Variants in GALNT9 observed in about 807,000 individuals in gnomAD.
GALNT9 encodes the protein polypeptide N-acetylgalactosaminyltransferase 9.
In GALNT9, 47 loss-of-function variants were observed where a neutral mutation model predicts 63.1. The observed-to-expected ratio is 0.75, with a 90% CI of 0.59 to 0.95. The LOEUF (loss-of-function observed/expected upper bound fraction) is 0.95. GALNT9 is among the 40% of genes least tolerant of loss of function. The pLI is 0.00. For missense variants in GALNT9, 829 were observed against 874.8 expected (o/e 0.95, Z 0.66); for synonymous variants, 396 against 365.7 (o/e 1.08, Z -0.94).
At chr12:132,220,480 T>C (rs1262879903) in intron 6 of GALNT9, among the ~76,000 whole-genome samples, 4 of 152,136 alleles carry the variant, frequency 2.6e-5, no homozygotes, top group Non-Finnish European at 4.4e-5. Flanking sequence ...GAACCAGATA[T>C]GAAAAATACC....
At chr12:132,254,405 G>T (rs77084696) in intron 5 of GALNT9, among the ~76,000 whole-genome samples, 1 of 152,214 alleles carries the variant, frequency 6.6e-6, no homozygotes, top group African/African-American at 2.4e-5. Context: ...CAGTTTCAGC[G>T]ATGATCAGCA....
intron 6 of GALNT9, among the ~76,000 whole-genome samples, chr12:132,211,761 T>C (rs11247000): frequency 0.81 from 122,971 of 152,174 alleles, 49,996 homozygotes; most frequent in East Asian, 1. Context: ...AATTAGGAGA[T>C]GGGCACGGAA....
chr12:132,223,035 CCACACA>C (rs1310663682), intron 6 of GALNT9, among the ~76,000 whole-genome samples: 2 of 71,160 alleles, frequency 2.8e-5, no homozygotes, highest in African/African-American at 1.2e-4. Flanking sequence ...AACCCGTACC[CCACACA>C]CACAGACACA....
At chr12:132,300,760 T>C (rs59858169) in intron 1 of GALNT9, among the ~76,000 whole-genome samples, 16,478 of 126,878 alleles carry the variant, frequency 0.13, 1,041 homozygotes, top group Middle Eastern at 0.26. Flanking sequence ...CTGAGATAAC[T>C]CACTCCCATG....
chr12:132,215,372 C>T (rs756530416), intron 6 of GALNT9, among the ~76,000 whole-genome samples: 8 of 152,240 alleles, frequency 5.3e-5, no homozygotes, highest in Non-Finnish European at 1.0e-4. Context: ...ACGCGGCGCC[C>T]GGCACCGCCT....
At chr12:132,260,427 A>G (rs1451985871) in intron 4 of GALNT9, among the ~76,000 whole-genome samples, 5 of 152,190 alleles carry the variant, frequency 3.3e-5, no homozygotes, top group Non-Finnish European at 5.9e-5. Flanking sequence ...CCCATACACA[A>G]GGTGACCCCC....
chr12:132,274,841 C>T (rs1290841883), intron 2 of GALNT9: 1 of 152,860 alleles, frequency 6.5e-6, no homozygotes, highest in African/African-American at 2.4e-5. Context: ...ACCCCACACA[C>T]ACGCACACAT....
chr12:132,256,348 GT>G (rs1209639563), intron 5 of GALNT9, among the ~76,000 whole-genome samples: 1 of 151,766 alleles, frequency 6.6e-6, no homozygotes, highest in African/African-American at 2.4e-5. Context: ...ATCTCACCAC[GT>G]TGTTAGGTGT....
At chr12:132,326,859 G>C (rs1475211047) in intron 1 of GALNT9, among the ~76,000 whole-genome samples, 4 of 152,196 alleles carry the variant, frequency 2.6e-5, no homozygotes, top group Non-Finnish European at 5.9e-5. Context: ...ACATCAGAGC[G>C]GGTAATGCTG....
rs772852295 is a variant in GALNT9 at position 132,199,236 on chromosome 12, C to T, written c.1435G>A (p.Asp479Asn). The change falls in exon 9 of 11, where the codon GAC becomes AAC. Residue 479 changes from aspartate (D) to asparagine (N), a missense_variant. Coordinates refer to ENST00000328957, the MANE Select transcript of GALNT9 (RefSeq NM_001122636.2). ...RNSKASAYCL[D>N]QGAEDGDRAI... ...CGGTCGCCGTCCTCCGCTCCCTGGT[C>T]CAGACAGTAGGCACTGGCTTTGCTG... The T allele has an allele frequency of 6.2e-7, 1 of 1,605,134 alleles. No homozygotes were observed. The highest frequency in any genetic ancestry group is 8.5e-7 in the Non-Finnish European group (1 of 1,179,496).
At chr12:132,326,796 C>G (rs545820656) in intron 1 of GALNT9, among the ~76,000 whole-genome samples, 32 of 152,324 alleles carry the variant, frequency 2.1e-4, no homozygotes, top group Non-Finnish European at 4.6e-4. Flanking sequence ...AAGAGCTGGC[C>G]GCCTCCTCCA....
intron 6 of GALNT9, chr12:132,240,672 T>C (rs2136899163): frequency 4.4e-6 from 2 of 456,020 alleles, no homozygotes; most frequent in Non-Finnish European, 8.8e-6. Flanking sequence ...GCCGTGTTTT[T>C]CTTCCTCTTT....
rs1880226572 is a variant in GALNT9 at position 132,279,050 on chromosome 12, T to G, written c.419+7200A>C. On this transcript the variant is annotated intron_variant, in intron 2 of 10. Transcript: ENST00000328957. This position sits in a 1 kb window ranked among gnomAD's most constrained non-coding sequence, Gnocchi z 4.1. The stretch of plus-strand genomic sequence containing the variant: ...ATCAGACCCCACGGCATGGTGACTG[T>G]CACTGCAGAGGGCTAGAGAGGGCCG... The G allele has an allele frequency of 6.6e-6, 1 of 152,276 alleles. No individual in the cohort carries two copies. Among genetic ancestry groups the G allele is most frequent in the Admixed American group, 6.5e-5 (1 of 15,290 alleles). 9.4% of individuals were successfully genotyped at this position (152,276 alleles called of 1,614,324 possible). A position where few individuals can be genotyped will look rare whatever the true frequency, so the allele number is the denominator to read the frequency against.
rs1868656336 is a variant in GALNT9 at position 132,319,044 on chromosome 12, G to A, written c.238+9922C>T. 6.6e-6 allele frequency among the ~76,000 whole-genome samples: 1 copy of A among 152,246 alleles called. No individual in the cohort carries two copies. Among genetic ancestry groups the A allele is most frequent in the Non-Finnish European group, 1.5e-5 (1 of 68,046 alleles). On this transcript the variant is annotated intron_variant, in intron 1 of 10. Coordinates refer to ENST00000328957, the MANE Select transcript of GALNT9 (RefSeq NM_001122636.2). The surrounding 1 kb of genome is among the most constrained non-coding windows in gnomAD (Gnocchi z 5.2). The stretch of plus-strand genomic sequence containing the variant: ...CGACTCTCTGGGAGGGAGGAGCAGA[G>A]ACAGACCTGGGTGTCCGTGGCCGCC...
At chr12:132,311,075 AAAC>A (rs1278496428) in intron 1 of GALNT9, among the ~76,000 whole-genome samples, 2 of 152,216 alleles carry the variant, frequency 1.3e-5, no homozygotes, top group African/African-American at 4.8e-5. Context: ...TACTGGATTT[AAAC>A]AACAACATCA....
rs185154792 is a variant in GALNT9 at position 132,256,873 on chromosome 12, G to A, written c.959+816C>T. Among the ~76,000 whole-genome samples, 184 of 152,374 alleles carry A rather than the reference G, an allele frequency of 1.2e-3. No homozygotes were observed. In the Middle Eastern group the frequency reaches 0.048, roughly 39 times the overall value. On this transcript the variant is annotated intron_variant, in intron 5 of 10. Coordinates refer to ENST00000328957, the MANE Select transcript of GALNT9 (RefSeq NM_001122636.2). Reference sequence around the variant, plus strand: ...AGTGGGCACAGAGCCCCATCTCACTGTGGGTTGAATTTGCATCTCCCTGGA... The same window carrying A: ...AGTGGGCACAGAGCCCCATCTCACTATGGGTTGAATTTGCATCTCCCTGGA...
At chr12:132,241,103 C>A (rs1878308556) in intron 6 of GALNT9, among the ~76,000 whole-genome samples, 1 of 133,894 alleles carries the variant, frequency 7.5e-6, no homozygotes, top group Non-Finnish European at 1.6e-5. Context: ...CCTCCCTATA[C>A]CCATTACACA....
chr12:132,262,929 C>G (rs1555239910), intron 2 of GALNT9, among the ~76,000 whole-genome samples: 3 of 152,148 alleles, frequency 2.0e-5, no homozygotes, highest in Non-Finnish European at 4.4e-5. Flanking sequence ...CAGAGAGAAA[C>G]TAGTAACAGT....
intron 6 of GALNT9, among the ~76,000 whole-genome samples, chr12:132,226,104 TAC>T (rs1460048221): frequency 6.3e-5 from 7 of 110,826 alleles, no homozygotes; most frequent in South Asian, 3.1e-4. Context: ...ATACACACCC[TAC>T]ACACATACAT....
Sources: allele counts gnomAD v4.1 joint callset (sites outside exome capture counted in the v4.1 genomes callset), GRCh38; gene constraint gnomAD v4.1.1; non-coding constraint Gnocchi (gnomAD v3.1); transcripts MANE v1.5; gene names NCBI Gene and HGNC (gene_info 2026-07-23, HGNC 2026-07-21).